SARNP: variants seen among roughly 807,000 people sequenced by gnomAD.
SARNP encodes the protein SAP domain containing ribonucleoprotein.
In SARNP, 5 loss-of-function variants were observed where a neutral mutation model predicts 38.1. That is an observed-to-expected ratio of 0.13 (90% confidence interval 0.07 to 0.28). The LOEUF is 0.28. Among genes scored for constraint, SARNP ranks in the 10% least tolerant of loss-of-function variants. SARNP has a pLI of 1.00. For synonymous variants in SARNP, 84 were observed against 80.6 expected, an observed-to-expected ratio of 1.04 and a Z score of -0.23; for missense variants, 180 against 243.9, an observed-to-expected ratio of 0.74 and a Z score of 1.75.
At chr12:55,790,073 G>A (rs998750924) in intron 8 of SARNP, among the ~76,000 whole-genome samples, 21 of 149,814 alleles carry the variant, frequency 1.4e-4, no homozygotes, top group Non-Finnish European at 2.8e-4. Flanking sequence ...CACAGCATTC[G>A]TTACCATTTT....
chr12:55,775,241 T>TAAAAAA lies in SARNP; in HGVS notation c.501+13828_501+13833dup, dbSNP rs375018386. Among the ~76,000 whole-genome samples, 7 of 118,570 alleles carry TAAAAAA rather than the reference T, an allele frequency of 5.9e-5. No individual in the cohort carries two copies. In the East Asian group the frequency reaches 9.3e-4, roughly 16 times the overall value. The allele number at this position is 118,570 out of a possible 152,430, so 77.8% of individuals were successfully genotyped here. A position where few individuals can be genotyped will look rare whatever the true frequency, so the allele number is the denominator to read the frequency against. Reference sequence around the variant, plus strand: ...GCTCTGGGAGTTAAAAGGTTAAAATTAAAAAAAAAAAAAAAAAAGAACATG... The same window carrying TAAAAAA: ...GCTCTGGGAGTTAAAAGGTTAAAATTAAAAAAAAAAAAAAAAAAAAAAAAGAACATG... On this transcript the variant is annotated intron_variant, in intron 9 of 10. Coordinates refer to ENST00000336133, the MANE Select transcript of SARNP (RefSeq NM_033082.4).
At chr12:55,807,892 G>GGA (rs1184322808) in intron 1 of SARNP, among the ~76,000 whole-genome samples, 1 of 151,634 alleles carries the variant, frequency 6.6e-6, no homozygotes, top group African/African-American at 2.4e-5. Context: ...CCACTTCCTG[G>GGA]AGAACAAGTC....
chr12:55,779,333 T>C (rs1208102076), intron 9 of SARNP, among the ~76,000 whole-genome samples: 2 of 152,230 alleles, frequency 1.3e-5, no homozygotes, highest in Non-Finnish European at 2.9e-5. Flanking sequence ...GTTTTGTTTT[T>C]TCCACTTAGA....
intron 10 of SARNP, among the ~76,000 whole-genome samples, chr12:55,758,320 T>C (rs753093852): frequency 6.6e-6 from 1 of 152,184 alleles, no homozygotes; most frequent in Non-Finnish European, 1.5e-5. Flanking sequence ...AGGGTTTAAT[T>C]TACAAGACTG....
At chr12:55,799,890 T>C (rs1441910689) in intron 4 of SARNP, among the ~76,000 whole-genome samples, 1 of 150,796 alleles carries the variant, frequency 6.6e-6, no homozygotes, top group East Asian at 2.0e-4. Context: ...AAAACTCTTA[T>C]GAACAGTTAA....
intron 9 of SARNP, among the ~76,000 whole-genome samples, chr12:55,787,751 T>C (rs1215904541): frequency 8.1e-6 from 1 of 123,158 alleles, no homozygotes; most frequent in East Asian, 2.5e-4. Flanking sequence ...CTTTCTTTCT[T>C]TTTTTTTTTT....
chr12:55,796,289 T>G (rs764007073), intron 4 of SARNP, among the ~76,000 whole-genome samples: 2 of 152,230 alleles, frequency 1.3e-5, no homozygotes, highest in Non-Finnish European at 2.9e-5. Flanking sequence ...TAAGCTTCTT[T>G]AGCTAAAGTA....
chr12:55,815,652 C>G (rs1485451302), intron 1 of SARNP, among the ~76,000 whole-genome samples: 1 of 152,014 alleles, frequency 6.6e-6, no homozygotes, highest in East Asian at 1.9e-4. Context: ...TTGGTAGAGG[C>G]GGGGTTTCGC....
intron 1 of SARNP, among the ~76,000 whole-genome samples, chr12:55,810,597 C>T (rs1239338132): frequency 8.6e-5 from 13 of 151,928 alleles, no homozygotes; most frequent in Admixed American, 2.0e-4. Flanking sequence ...GAATTACAGG[C>T]GTGCACCACC....
chr12:55,797,869 C>T (rs536217532), intron 4 of SARNP, among the ~76,000 whole-genome samples: 2 of 152,310 alleles, frequency 1.3e-5, no homozygotes, highest in East Asian at 3.9e-4. Context: ...CACAACTATC[C>T]TCTAAAAATC....
At chr12:55,780,063 A>G (rs915156233) in intron 9 of SARNP, among the ~76,000 whole-genome samples, 1 of 152,244 alleles carries the variant, frequency 6.6e-6, no homozygotes, top group African/African-American at 2.4e-5. Flanking sequence ...TGGGAGGGTC[A>G]CTTAAACCCG....
intron 9 of SARNP, among the ~76,000 whole-genome samples, chr12:55,783,486 C>G (rs1053481859): frequency 1.3e-5 from 2 of 151,838 alleles, no homozygotes; most frequent in African/African-American, 4.8e-5. Context: ...TTAGCCTAAA[C>G]CAATAAGATT....
intron 9 of SARNP, among the ~76,000 whole-genome samples, chr12:55,766,632 G>GGGGGGGGGT (rs1565671275): frequency 2.1e-5 from 1 of 46,570 alleles, no homozygotes; most frequent in African/African-American, 1.0e-4. Flanking sequence ...GGGGGGGGGG[G>GGGGGGGGGT]TTGTTTTTTT....
intron 9 of SARNP, among the ~76,000 whole-genome samples, chr12:55,777,045 C>T (rs1470819623): frequency 2.0e-5 from 3 of 152,170 alleles, no homozygotes. Flanking sequence ...GTCATCAGTT[C>T]TGACACGTTA....
intron 1 of SARNP, among the ~76,000 whole-genome samples, chr12:55,804,954 T>G (rs1482713271): frequency 6.6e-6 from 1 of 152,178 alleles, no homozygotes; most frequent in South Asian, 2.1e-4. Context: ...TAATGAAAAG[T>G]GGAGAGTTTT....
At chr12:55,811,395 A>G (rs1880323414) in intron 1 of SARNP, among the ~76,000 whole-genome samples, 1 of 152,164 alleles carries the variant, frequency 6.6e-6, no homozygotes. Flanking sequence ...CTGTCTCTAC[A>G]GAAAATTAAA....
intron 2 of SARNP, among the ~76,000 whole-genome samples, chr12:55,802,344 A>C (rs981359583): frequency 6.6e-6 from 1 of 152,046 alleles, no homozygotes; most frequent in Non-Finnish European, 1.5e-5. Context: ...AATATACTAT[A>C]TACTATTAGT....
At chr12:55,774,501 C>CT (rs1274299968) in intron 9 of SARNP, among the ~76,000 whole-genome samples, 1 of 140,466 alleles carries the variant, frequency 7.1e-6, no homozygotes, top group African/African-American at 2.7e-5. Context: ...GGGTGGATCA[C>CT]TTTGAGGTCA....
At chr12:55,772,170 C>T (rs1879027495) in intron 9 of SARNP, among the ~76,000 whole-genome samples, 2 of 152,136 alleles carry the variant, frequency 1.3e-5, no homozygotes, top group Admixed American at 6.5e-5. Flanking sequence ...AGTACACCGC[C>T]TTAGCAAATA....
Sources: gnomAD v4.1 joint callset for allele counts (sites outside exome capture counted in the v4.1 genomes callset) on GRCh38, gnomAD v4.1.1 for gene constraint, MANE v1.5 for transcripts, NCBI Gene and HGNC (gene_info 2026-07-23, HGNC 2026-07-21) for gene names.